CSMD1: variants seen among roughly 807,000 people sequenced by gnomAD.
The protein encoded by CSMD1 is CUB and sushi domain-containing protein 1.
Under a neutral mutation model 417.5 loss-of-function variants are expected in CSMD1, and 213 were observed. The observed-to-expected ratio is 0.51, with a 90% CI of 0.46 to 0.57. The LOEUF (loss-of-function observed/expected upper bound fraction) is 0.57, where lower values mean the gene tolerates loss of function less well. Ranked by LOEUF, CSMD1 falls within the 20% of genes least tolerant of loss-of-function variation. The pLI is 0.00. For missense variants in CSMD1, 6,923 were observed against 4,529.7 expected, an observed-to-expected ratio of 1.53 and a Z score of -15.17; for synonymous variants, 2,862 against 1,736.8, an observed-to-expected ratio of 1.65 and a Z score of -16.11.
At chr8:4,828,444 T>C (rs1454622293) in intron 1 of CSMD1, among the ~76,000 whole-genome samples, 9 of 152,154 alleles carry the variant, frequency 5.9e-5, no homozygotes, top group Non-Finnish European at 1.3e-4. Flanking sequence ...ACAGATAATC[T>C]TCTCTCAGCC....
At position 3,398,578 on chromosome 8, in the gene CSMD1, C is replaced by T. The variant is rs899138089; in HGVS notation, c.2405+813G>A. Among the ~76,000 whole-genome samples, 16 of 152,198 alleles carry T rather than the reference C, an allele frequency of 1.1e-4. No homozygotes were observed. In the East Asian group the frequency reaches 1.4e-3, roughly 13 times the overall value. On this transcript the variant is annotated intron_variant, in intron 16 of 69. Coordinates refer to ENST00000635120, the MANE Select transcript of CSMD1 (RefSeq NM_033225.6). Reference sequence around the variant, plus strand: ...TCTATCTTGAGACACCATAATATTCCGGATACTGAAATCCAGAATGTAGTC... The same window carrying T: ...TCTATCTTGAGACACCATAATATTCTGGATACTGAAATCCAGAATGTAGTC...
At chr8:4,248,968 T>C (rs1248235043) in intron 3 of CSMD1, among the ~76,000 whole-genome samples, 1 of 152,292 alleles carries the variant, frequency 6.6e-6, no homozygotes, top group Non-Finnish European at 1.5e-5. Flanking sequence ...ACTTTTAATA[T>C]CATAATTCAA....
intron 1 of CSMD1, among the ~76,000 whole-genome samples, chr8:4,871,564 T>C (rs558339920): frequency 6.6e-6 from 1 of 152,240 alleles, no homozygotes; most frequent in African/African-American, 2.4e-5. Context: ...ATGTTTTGCT[T>C]TTATTATTTT....
chr8:2,989,773 G>A (rs1806218347), intron 54 of CSMD1, among the ~76,000 whole-genome samples: 1 of 152,110 alleles, frequency 6.6e-6, no homozygotes, highest in South Asian at 2.1e-4. Flanking sequence ...ATACTTAAAA[G>A]CCCACTCTTT....
chr8:4,047,723 G>A (rs1392604759), intron 3 of CSMD1, among the ~76,000 whole-genome samples: 1 of 152,012 alleles, frequency 6.6e-6, no homozygotes, highest in African/African-American at 2.4e-5. Context: ...GATTTTAAAT[G>A]CTATGGAGAA....
chr8:3,413,904 C>T (rs1484768025), intron 12 of CSMD1, among the ~76,000 whole-genome samples: 2 of 151,718 alleles, frequency 1.3e-5, no homozygotes, highest in African/African-American at 4.8e-5. Context: ...TTTGGAAGGC[C>T]GAGGTGGGAT....
At chr8:3,864,559 C>A (rs141876362) in intron 5 of CSMD1, among the ~76,000 whole-genome samples, 6 of 152,128 alleles carry the variant, frequency 3.9e-5, no homozygotes, top group African/African-American at 1.4e-4. Context: ...TGTTGGTGTA[C>A]TGCACCCATT....
At chr8:4,013,698 T>C (rs1393751086) in intron 4 of CSMD1, among the ~76,000 whole-genome samples, 7 of 152,240 alleles carry the variant, frequency 4.6e-5, no homozygotes, top group Non-Finnish European at 8.8e-5. Flanking sequence ...TTTGTTCATA[T>C]TGTAGCCCCA....
intron 1 of CSMD1, among the ~76,000 whole-genome samples, chr8:4,933,574 T>C (rs116121853): frequency 1.8e-4 from 28 of 152,246 alleles, no homozygotes; most frequent in African/African-American, 6.5e-4. Flanking sequence ...CATACAATAC[T>C]GGAAGTTTTG....
intron 23 of CSMD1, among the ~76,000 whole-genome samples, chr8:3,317,875 A>G (rs1315175711): frequency 6.6e-6 from 1 of 152,220 alleles, no homozygotes; most frequent in Non-Finnish European, 1.5e-5. Context: ...CAGTGGCGCC[A>G]TCTTGGCTCA....
intron 3 of CSMD1, among the ~76,000 whole-genome samples, chr8:4,409,637 TTTTTC>T (rs1304035486): frequency 7.3e-5 from 4 of 54,874 alleles, no homozygotes; most frequent in Non-Finnish European, 1.3e-4. Flanking sequence ...TATTTGACTT[TTTTTC>T]TTTTTTTTTT....
intron 49 of CSMD1, among the ~76,000 whole-genome samples, chr8:3,083,096 C>G (rs1330646732): frequency 6.6e-6 from 1 of 151,988 alleles, no homozygotes; most frequent in Admixed American, 6.6e-5. Flanking sequence ...TTTTTCTTTT[C>G]TTTTATTTAT....
chr8:3,916,717 A>T (rs1228157076), intron 5 of CSMD1, among the ~76,000 whole-genome samples: 1 of 152,166 alleles, frequency 6.6e-6, no homozygotes, highest in Non-Finnish European at 1.5e-5. Context: ...ACAAGGATAG[A>T]AAAAGTAGAG....
At chr8:4,572,900 G>C (rs908004047) in intron 2 of CSMD1, among the ~76,000 whole-genome samples, 5 of 151,996 alleles carry the variant, frequency 3.3e-5, no homozygotes, top group African/African-American at 1.2e-4. Flanking sequence ...TCTTCCGCTT[G>C]ATCAATTCGG....
chr8:4,040,357 T>A (rs1205706485), intron 3 of CSMD1, among the ~76,000 whole-genome samples: 1 of 152,164 alleles, frequency 6.6e-6, no homozygotes, highest in Admixed American at 6.5e-5. Flanking sequence ...ATTATGCCCA[T>A]TTTAAACAAA....
intron 25 of CSMD1, among the ~76,000 whole-genome samples, chr8:3,303,481 T>A (rs1279837341): frequency 6.6e-6 from 1 of 152,210 alleles, no homozygotes; most frequent in Admixed American, 6.5e-5. Context: ...GATACCTTTT[T>A]GATATGCGTC....
chr8:4,398,877 A>T (rs1052349318), intron 3 of CSMD1, among the ~76,000 whole-genome samples: 1 of 152,320 alleles, frequency 6.6e-6, no homozygotes, highest in Admixed American at 6.5e-5. Flanking sequence ...AAAATAACTG[A>T]CATTCTCAAT....
intron 2 of CSMD1, among the ~76,000 whole-genome samples, chr8:4,451,782 C>T (rs1799161663): frequency 2.0e-5 from 3 of 151,986 alleles, no homozygotes; most frequent in Admixed American, 2.0e-4. Context: ...AGTATTTGAG[C>T]AGGATCCACA....
intron 3 of CSMD1, among the ~76,000 whole-genome samples, chr8:4,362,463 A>G (rs1255626102): frequency 2.6e-5 from 4 of 152,202 alleles, no homozygotes; most frequent in Non-Finnish European, 4.4e-5. Context: ...TCCCTTGCTG[A>G]TAAGATTACG....
Sources: allele counts gnomAD v4.1 joint callset (sites outside exome capture counted in the v4.1 genomes callset), GRCh38; gene constraint gnomAD v4.1.1; transcripts MANE v1.5; gene names NCBI Gene and HGNC (gene_info 2026-07-23, HGNC 2026-07-21).